Variants in NFKB1 observed in about 807,000 individuals in gnomAD.
The protein encoded by NFKB1 is nuclear factor kappa B subunit 1.
A neutral mutation model predicts 105.1 loss-of-function variants in NFKB1; 9 were observed. That is an observed-to-expected ratio of 0.09 (90% CI 0.05 to 0.15). The LOEUF (loss-of-function observed/expected upper bound fraction) is 0.15. NFKB1 is among the 10% of genes least tolerant of loss of function. The probability of loss-of-function intolerance (pLI) is 1.00; values close to 1 mark genes in which losing one functional copy is unlikely to be tolerated. For missense variants in NFKB1, 830 were observed against 1,203.7 expected (o/e 0.69, Z 4.59); for synonymous variants, 440 against 442.2 (o/e 1.00, Z 0.06).
At chr4:102,503,795 C>T (rs1739245883) in intron 1 of NFKB1, among the ~76,000 whole-genome samples, 1 of 152,178 alleles carries the variant, frequency 6.6e-6, no homozygotes, top group Non-Finnish European at 1.5e-5. Context: ...ATATTCCTTA[C>T]ATTTCTGTTG....
chr4:102,537,055 G>A (rs1484898427), intron 4 of NFKB1, among the ~76,000 whole-genome samples: 1 of 152,158 alleles, frequency 6.6e-6, no homozygotes, highest in Non-Finnish European at 1.5e-5. Flanking sequence ...AACTGGAGTA[G>A]ACCTTAAAGA....
chr4:102,509,071 A>G (rs1170679026), intron 1 of NFKB1, among the ~76,000 whole-genome samples: 1 of 152,216 alleles, frequency 6.6e-6, no homozygotes, highest in Admixed American at 6.5e-5. Context: ...CACATTATGA[A>G]AAAACACTTT....
At chr4:102,511,979 A>G (rs192490763) in intron 1 of NFKB1, among the ~76,000 whole-genome samples, 57 of 152,314 alleles carry the variant, frequency 3.7e-4, no homozygotes, top group African/African-American at 9.6e-4. Context: ...CACATAGACA[A>G]TGGAGCGTTG....
chr4:102,578,449 C>T, intron 7 of NFKB1: 1 of 182,354 alleles, frequency 5.5e-6, no homozygotes, highest in East Asian at 1.4e-4. Context: ...GCCAGGCTGT[C>T]TGCTTGGCAC....
rs559289636 is a variant in NFKB1 at position 102,613,645 on chromosome 4, T to C, written c.2749+64T>C. On this transcript the variant is annotated intron_variant, in intron 23 of 23. Coordinates refer to ENST00000226574, the MANE Select transcript of NFKB1 (RefSeq NM_003998.4). ...GCTCCCCCAGGCTGGTGTCTTCAGC[T>C]CTTTTTGGATATGGTGTGGCAGTTT... is the stretch of plus-strand genomic sequence containing the variant. 13 of 1,531,580 alleles carry C rather than the reference T, an allele frequency of 8.5e-6. No individual in the cohort carries two copies. The Admixed American group carries it at 1.8e-4, about 21-fold the overall frequency. The allele number at this position is 1,531,580 out of a possible 1,614,324, so 94.9% of individuals were successfully genotyped here. A position where few individuals can be genotyped will look rare whatever the true frequency, so the allele number is the denominator to read the frequency against.
intron 1 of NFKB1, among the ~76,000 whole-genome samples, chr4:102,512,645 A>C (rs1436424247): frequency 6.6e-6 from 1 of 152,222 alleles, no homozygotes; most frequent in African/African-American, 2.4e-5. Context: ...ACACCCAGCC[A>C]TGTATATGTT....
chr4:102,505,723 T>C (rs548286916), intron 1 of NFKB1, among the ~76,000 whole-genome samples: 1 of 152,106 alleles, frequency 6.6e-6, no homozygotes, highest in African/African-American at 2.4e-5. Context: ...GAAAAAGCTG[T>C]TTGAGAGAAT....
At chr4:102,563,977 C>T (rs965387621) in intron 5 of NFKB1, among the ~76,000 whole-genome samples, 5 of 151,938 alleles carry the variant, frequency 3.3e-5, no homozygotes, top group African/African-American at 1.2e-4. Context: ...CACCACCATG[C>T]CCGGCTAATA....
chr4:102,513,969 C>T (rs1456476705), intron 1 of NFKB1, among the ~76,000 whole-genome samples: 1 of 151,786 alleles, frequency 6.6e-6, no homozygotes, highest in Non-Finnish European at 1.5e-5. Flanking sequence ...GTCAGGAGAT[C>T]GAGACCATCC....
intron 2 of NFKB1, among the ~76,000 whole-genome samples, chr4:102,528,948 G>A (rs970928181): frequency 6.6e-6 from 1 of 151,916 alleles, no homozygotes; most frequent in Non-Finnish European, 1.5e-5. Context: ...TTTGCCTTTT[G>A]AGCTTCTAGT....
At chr4:102,557,375 A>G (rs913809353) in intron 5 of NFKB1, among the ~76,000 whole-genome samples, 8 of 152,222 alleles carry the variant, frequency 5.3e-5, no homozygotes, top group Non-Finnish European at 1.2e-4. Flanking sequence ...TAACTCTCCC[A>G]GAGTCCCCCA....
At chr4:102,602,765 G>C (rs1401617644) in intron 16 of NFKB1, among the ~76,000 whole-genome samples, 2 of 152,146 alleles carry the variant, frequency 1.3e-5, no homozygotes, top group African/African-American at 4.8e-5. Flanking sequence ...TTCACTGCCT[G>C]TTAATATAAA....
At chr4:102,559,409 T>C (rs1277097690) in intron 5 of NFKB1, among the ~76,000 whole-genome samples, 1 of 151,904 alleles carries the variant, frequency 6.6e-6, no homozygotes, top group African/African-American at 2.4e-5. Context: ...TGGCATGACA[T>C]GGCTTGAACA....
At chr4:102,595,981 A>G (rs989807961) in intron 13 of NFKB1, among the ~76,000 whole-genome samples, 157 bp from the exon 14 acceptor site, 22 of 152,236 alleles carry the variant, frequency 1.4e-4, no homozygotes, top group Non-Finnish European at 3.2e-4. Context: ...CATGGTATTT[A>G]TGATATGACC....
intron 5 of NFKB1, among the ~76,000 whole-genome samples, chr4:102,540,711 T>A (rs1741943507): frequency 1.3e-5 from 2 of 152,148 alleles, no homozygotes; most frequent in Admixed American, 1.3e-4. Flanking sequence ...TTATAGGAAG[T>A]AATTTTATTT....
chr4:102,581,583 G>A (rs1161563131), intron 9 of NFKB1, among the ~76,000 whole-genome samples: 1 of 152,120 alleles, frequency 6.6e-6, no homozygotes, highest in Admixed American at 6.5e-5. Flanking sequence ...GAACCCAGGA[G>A]TTTGAGGCTG....
intron 6 of NFKB1, among the ~76,000 whole-genome samples, chr4:102,568,107 A>C (rs558604097): frequency 2.6e-5 from 4 of 152,332 alleles, no homozygotes; most frequent in South Asian, 2.1e-4. Flanking sequence ...ACTATAATTA[A>C]GCTGATGGTT....
At chr4:102,521,806 A>G (rs1269565412) in intron 1 of NFKB1, among the ~76,000 whole-genome samples, 3 of 152,202 alleles carry the variant, frequency 2.0e-5, no homozygotes, top group Admixed American at 6.5e-5. Flanking sequence ...AAAATAACCC[A>G]TTAGGCATTT....
intron 9 of NFKB1, 76 bp downstream of exon 9, chr4:102,580,715 C>A: frequency 8.5e-7 from 1 of 1,181,558 alleles, no homozygotes; most frequent in South Asian, 1.3e-5. Context: ...GTCTGTGAGT[C>A]ACATTTCAGC....
Sources: gnomAD v4.1 joint callset for allele counts (sites outside exome capture counted in the v4.1 genomes callset) on GRCh38, gnomAD v4.1.1 for gene constraint, MANE v1.5 for transcripts, NCBI Gene and HGNC (gene_info 2026-07-23, HGNC 2026-07-21) for gene names.